Variants in ARHGAP25 observed in about 807,000 individuals in gnomAD.
The protein encoded by ARHGAP25 is Rho GTPase activating protein 25, also known as rho GTPase-activating protein 25.
In ARHGAP25, 34 loss-of-function variants were observed where a neutral mutation model predicts 71.0. That is an observed-to-expected ratio of 0.48 (90% CI 0.36 to 0.64). ARHGAP25 has a LOEUF of 0.64. Ranked by LOEUF, ARHGAP25 falls within the 30% of genes least tolerant of loss-of-function variation. The pLI is 0.00. For missense variants in ARHGAP25, 706 were observed against 805.1 expected (o/e 0.88, Z 1.49); for synonymous variants, 282 against 296.5 (o/e 0.95, Z 0.50).
intron 2 of ARHGAP25, among the ~76,000 whole-genome samples, chr2:68,778,105 A>C (rs1375491546): frequency 6.6e-6 from 1 of 152,190 alleles, no homozygotes; most frequent in African/African-American, 2.4e-5. Context: ...ATTTGGGCTG[A>C]TGTTTATACT....
At chr2:68,816,159 C>A in intron 6 of ARHGAP25, 130 bp from the exon 7 acceptor site, 2 of 789,396 alleles carry the variant, frequency 2.5e-6, no homozygotes, top group Non-Finnish European at 2.2e-6. Context: ...CACAGAACTA[C>A]AGGAACAGGA....
chr2:68,736,980 A>AAAT (rs1216350356), intron 1 of ARHGAP25, among the ~76,000 whole-genome samples: 2 of 152,114 alleles, frequency 1.3e-5, no homozygotes, highest in African/African-American at 4.8e-5. Context: ...GGCACACAAT[A>AAAT]AATATTTGTT....
intron 1 of ARHGAP25, among the ~76,000 whole-genome samples, chr2:68,738,823 G>GAA (rs35421866): frequency 4.4e-4 from 43 of 98,394 alleles, no homozygotes; most frequent in Non-Finnish European, 4.5e-4. Flanking sequence ...TCTGTCTCAA[G>GAA]AAAAAAAAAA....
chr2:68,711,856 T>A (rs1674490787), intron 2 of ARHGAP25, among the ~76,000 whole-genome samples: 1 of 152,222 alleles, frequency 6.6e-6, no homozygotes, highest in Non-Finnish European at 1.5e-5. Context: ...ACTCATCCTT[T>A]TTTACGGATG....
chr2:68,806,558 C>T (rs903676651), intron 4 of ARHGAP25, among the ~76,000 whole-genome samples: 2 of 152,156 alleles, frequency 1.3e-5, no homozygotes, highest in African/African-American at 2.4e-5. Flanking sequence ...AACTACTACG[C>T]GACTCCTGGG....
At chr2:68,771,354 G>A (rs926274040) in intron 1 of ARHGAP25, among the ~76,000 whole-genome samples, 1 of 152,152 alleles carries the variant, frequency 6.6e-6, no homozygotes, top group African/African-American at 2.4e-5. Flanking sequence ...CTGGGAATGT[G>A]CACTCAGGGT....
chr2:68,798,300 T>C (rs1319472367), intron 4 of ARHGAP25, among the ~76,000 whole-genome samples: 1 of 152,242 alleles, frequency 6.6e-6, no homozygotes, highest in Non-Finnish European at 1.5e-5. Flanking sequence ...TTATTCCATG[T>C]GTTCTGGTCT....
At chr2:68,738,470 G>A (rs1675331560) in intron 1 of ARHGAP25, among the ~76,000 whole-genome samples, 1 of 152,142 alleles carries the variant, frequency 6.6e-6, no homozygotes, top group African/African-American at 2.4e-5. Flanking sequence ...TCAGAAAGTG[G>A]TGAGTGCTTT....
At chr2:68,721,447 A>G (rs1034519786) in intron 2 of ARHGAP25, among the ~76,000 whole-genome samples, 9 of 152,230 alleles carry the variant, frequency 5.9e-5, no homozygotes, top group Admixed American at 5.9e-4. Context: ...ATTTACATAC[A>G]AAGTCATGAT....
intron 5 of ARHGAP25, among the ~76,000 whole-genome samples, chr2:68,812,677 C>T (rs912620248): frequency 6.6e-6 from 1 of 152,124 alleles, no homozygotes; most frequent in African/African-American, 2.4e-5. Flanking sequence ...TACTTGAGTC[C>T]CCAGAGTTCT....
intron 2 of ARHGAP25, among the ~76,000 whole-genome samples, chr2:68,711,413 C>G (rs1238281350): frequency 2.0e-5 from 3 of 152,138 alleles, no homozygotes; most frequent in Admixed American, 6.5e-5. Context: ...GAGATGGAGT[C>G]TTGCTCTGTC....
intron 5 of ARHGAP25, among the ~76,000 whole-genome samples, chr2:68,812,463 C>T (rs888958191): frequency 1.3e-5 from 2 of 152,188 alleles, no homozygotes; most frequent in African/African-American, 4.8e-5. Flanking sequence ...CCTCATGCTC[C>T]AGGCTGACAC....
chr2:68,758,594 C>T (rs1676620672), intron 1 of ARHGAP25, among the ~76,000 whole-genome samples: 1 of 151,688 alleles, frequency 6.6e-6, no homozygotes, highest in South Asian at 2.1e-4. Context: ...AAATAACAGA[C>T]CATAAAAATA....
intron 3 of ARHGAP25, among the ~76,000 whole-genome samples, chr2:68,785,048 C>A (rs1366262938): frequency 6.6e-6 from 1 of 152,150 alleles, no homozygotes; most frequent in East Asian, 1.9e-4. Flanking sequence ...TACAAAGTCT[C>A]TGAGCCTATT....
chr2:68,726,258 C>T (rs913264081), intron 2 of ARHGAP25, among the ~76,000 whole-genome samples: 4 of 152,166 alleles, frequency 2.6e-5, no homozygotes, highest in Admixed American at 1.3e-4. Context: ...GAATGAGTGG[C>T]AGGAGGCAGA....
chr2:68,786,813 GCT>G (rs1290810688), intron 3 of ARHGAP25, among the ~76,000 whole-genome samples: 2 of 152,252 alleles, frequency 1.3e-5, no homozygotes, highest in Non-Finnish European at 2.9e-5. Flanking sequence ...GCTAGAACAA[GCT>G]CTCTGAGGGA....
At chr2:68,740,042 A>G (rs1675434554) in intron 1 of ARHGAP25, among the ~76,000 whole-genome samples, 2 of 152,204 alleles carry the variant, frequency 1.3e-5, no homozygotes, top group South Asian at 2.1e-4. Context: ...CTTGGCTGCC[A>G]GGAAGCTGAG....
chr2:68,735,308 G>A (rs1484216500), intron 1 of ARHGAP25, 48 bp downstream of exon 1: 8 of 1,565,908 alleles, frequency 5.1e-6, no homozygotes, highest in Admixed American at 3.3e-5. Flanking sequence ...ACGTATACTC[G>A]AGCACCATTT....
chr2:68,721,640 A>T (rs1247753915), intron 2 of ARHGAP25, among the ~76,000 whole-genome samples: 2 of 152,220 alleles, frequency 1.3e-5, no homozygotes, highest in Non-Finnish European at 2.9e-5. Context: ...TCAGCAGTGA[A>T]ATCAGCTGCT....
Sources: allele counts gnomAD v4.1 joint callset (sites outside exome capture counted in the v4.1 genomes callset), GRCh38; gene constraint gnomAD v4.1.1; transcripts MANE v1.5; gene names NCBI Gene and HGNC (gene_info 2026-07-23, HGNC 2026-07-21).